Variants in GABBR2 observed in about 807,000 individuals in gnomAD.
GABBR2 encodes G-protein coupled receptor 51.
GABBR2 carries 23 observed loss-of-function variants against 105.6 expected under a neutral mutation model. The observed-to-expected ratio is 0.22, with a 90% CI of 0.16 to 0.31. The LOEUF (loss-of-function observed/expected upper bound fraction) is 0.31. Ranked by LOEUF, GABBR2 falls within the 10% of genes least tolerant of loss-of-function variation. The probability of loss-of-function intolerance (pLI) is 1.00; values close to 1 mark genes in which losing one functional copy is unlikely to be tolerated. For missense variants in GABBR2, 734 were observed against 1,245.5 expected (o/e 0.59, Z 6.18); for synonymous variants, 478 against 499.7 (o/e 0.96, Z 0.58).
chr9:98,661,338 G>C (rs1830259575), intron 1 of GABBR2, among the ~76,000 whole-genome samples: 1 of 152,120 alleles, frequency 6.6e-6, no homozygotes, highest in Non-Finnish European at 1.5e-5. Context: ...GGCCCTTTGC[G>C]CCTCGTGCCT....
At chr9:98,641,064 C>G (rs984010783) in intron 1 of GABBR2, among the ~76,000 whole-genome samples, 1 of 152,054 alleles carries the variant, frequency 6.6e-6, no homozygotes, top group African/African-American at 2.4e-5. Context: ...CCCTCCACCC[C>G]TATTGAGGCA....
intron 1 of GABBR2, among the ~76,000 whole-genome samples, chr9:98,596,709 C>G (rs545619014): frequency 5.9e-5 from 9 of 152,200 alleles, no homozygotes; most frequent in Non-Finnish European, 1.0e-4. Flanking sequence ...TTAGACCCTG[C>G]CGCCCAGGGC....
At chr9:98,519,258 C>A (rs753113463) in intron 3 of GABBR2, among the ~76,000 whole-genome samples, 1 of 152,232 alleles carries the variant, frequency 6.6e-6, no homozygotes, top group African/African-American at 2.4e-5. Context: ...ACAGGACACC[C>A]TATGCATCTG....
chr9:98,300,182 A>T (rs1352861939), intron 16 of GABBR2, among the ~76,000 whole-genome samples: 1 of 151,412 alleles, frequency 6.6e-6, no homozygotes, highest in East Asian at 1.9e-4. Flanking sequence ...ACTATTACTG[A>T]TACTTAATAG....
At chr9:98,374,291 A>G (rs982231885) in intron 11 of GABBR2, among the ~76,000 whole-genome samples, 1 of 152,250 alleles carries the variant, frequency 6.6e-6, no homozygotes, top group Non-Finnish European at 1.5e-5. Context: ...TTAAAATTCA[A>G]TAATATAAAT....
At chr9:98,450,463 A>G (rs1330605577) in intron 7 of GABBR2, among the ~76,000 whole-genome samples, 1 of 152,186 alleles carries the variant, frequency 6.6e-6, no homozygotes, top group East Asian at 1.9e-4. Flanking sequence ...GGAGGAAGGT[A>G]ACATGGAGTG....
intron 3 of GABBR2, among the ~76,000 whole-genome samples, chr9:98,507,428 G>A (rs554784711): frequency 5.3e-5 from 8 of 152,202 alleles, no homozygotes; most frequent in South Asian, 4.2e-4. Flanking sequence ...CAAGGCTCAC[G>A]GGCAGCATCT....
intron 8 of GABBR2, among the ~76,000 whole-genome samples, chr9:98,397,109 C>A (rs1368314217): frequency 6.6e-6 from 1 of 152,232 alleles, no homozygotes; most frequent in Non-Finnish European, 1.5e-5. Flanking sequence ...ATTCAGCATA[C>A]TTTTACCCCC....
chr9:98,377,314 C>T (rs1010486023), intron 11 of GABBR2, among the ~76,000 whole-genome samples: 2 of 152,120 alleles, frequency 1.3e-5, no homozygotes, highest in African/African-American at 4.8e-5. Context: ...GCGTCAGGGC[C>T]AGAGAGGAAG....
intron 7 of GABBR2, among the ~76,000 whole-genome samples, chr9:98,449,964 A>G (rs1826204275): frequency 6.6e-6 from 1 of 152,050 alleles, no homozygotes; most frequent in Non-Finnish European, 1.5e-5. Context: ...ATAAAACAGA[A>G]CTTGCCTTGA....
intron 12 of GABBR2, among the ~76,000 whole-genome samples, chr9:98,368,861 G>A (rs1246040121): frequency 6.6e-6 from 1 of 152,200 alleles, no homozygotes; most frequent in Admixed American, 6.5e-5. Context: ...CAGGGATGGG[G>A]AAAACACAGG....
At chr9:98,410,651 A>G (rs761663784) in intron 7 of GABBR2, among the ~76,000 whole-genome samples, 1 of 151,778 alleles carries the variant, frequency 6.6e-6, no homozygotes, top group African/African-American at 2.4e-5. Context: ...GTGGCCAGAG[A>G]TAGGGCCCCA....
intron 4 of GABBR2, among the ~76,000 whole-genome samples, chr9:98,494,709 G>C (rs965641666): frequency 6.6e-6 from 1 of 152,198 alleles, no homozygotes; most frequent in Non-Finnish European, 1.5e-5. Context: ...AAGGTGAAGG[G>C]CTCTGCACAG....
At chr9:98,646,508 T>C (rs1830030433) in intron 1 of GABBR2, among the ~76,000 whole-genome samples, 1 of 152,344 alleles carries the variant, frequency 6.6e-6, no homozygotes, top group African/African-American at 2.4e-5. Flanking sequence ...ATCCTTTTGC[T>C]GTAATAAATC....
intron 7 of GABBR2, among the ~76,000 whole-genome samples, chr9:98,448,472 A>G (rs957275302): frequency 2.0e-5 from 3 of 151,546 alleles, no homozygotes; most frequent in African/African-American, 7.4e-5. Flanking sequence ...TCTATTGCTC[A>G]GGCTGAAGTA....
At chr9:98,342,264 G>T (rs757805554) in intron 13 of GABBR2, among the ~76,000 whole-genome samples, 2 of 152,112 alleles carry the variant, frequency 1.3e-5, no homozygotes, top group African/African-American at 2.4e-5. Flanking sequence ...TGGAAAGGGG[G>T]TGTTCTGGGT....
intron 5 of GABBR2, among the ~76,000 whole-genome samples, chr9:98,478,069 G>A (rs1826831370): frequency 2.0e-5 from 3 of 152,228 alleles, no homozygotes; most frequent in African/African-American, 7.2e-5. Context: ...AACATGCCAT[G>A]CTCATACTGT....
At chr9:98,441,658 C>T (rs766457142) in intron 7 of GABBR2, among the ~76,000 whole-genome samples, 4 of 152,178 alleles carry the variant, frequency 2.6e-5, no homozygotes, top group Non-Finnish European at 2.9e-5. Flanking sequence ...TGAGCCACTG[C>T]GCCCAGCTGG....
Position 98,602,153 on chromosome 9 carries a change from A to G in GABBR2, c.322-24081T>C, listed in dbSNP as rs1053031095. Among the ~76,000 whole-genome samples, 7 of 145,836 alleles carry G rather than the reference A, an allele frequency of 4.8e-5. 1 individual carries two copies. The East Asian group carries it at 1.4e-3, about 29-fold the overall frequency. ...GTAGCTGGGACCACAGGCTTGCACC[A>G]CCATGCCTGGTTAATTTTTTTTTTT... is the stretch of plus-strand genomic sequence containing the variant. On this transcript the variant is annotated intron_variant, in intron 1 of 18. Transcript: ENST00000259455.
Sources: gnomAD v4.1 joint callset for allele counts (sites outside exome capture counted in the v4.1 genomes callset) on GRCh38, gnomAD v4.1.1 for gene constraint, MANE v1.5 for transcripts, NCBI Gene and HGNC (gene_info 2026-07-23, HGNC 2026-07-21) for gene names.